BPIFA1: variants seen among roughly 807,000 people sequenced by gnomAD.
BPIFA1 encodes the protein BPI fold containing family A member 1, also known as BPI fold-containing family A member 1.
In BPIFA1, 24 loss-of-function variants were observed where a neutral mutation model predicts 25.1. The ratio of observed to expected loss-of-function variants is 0.96; its 90% CI spans 0.69 to 1.35. The LOEUF (loss-of-function observed/expected upper bound fraction) is 1.35. Among genes scored for constraint, BPIFA1 ranks in the 40% most tolerant of loss-of-function variants. The pLI, the probability that BPIFA1 is intolerant of heterozygous loss-of-function variation, is 0.00. For missense variants in BPIFA1, 344 were observed against 303.7 expected (o/e 1.13, Z -0.99); for synonymous variants, 139 against 131.8 (o/e 1.05, Z -0.37).
intron 7 of BPIFA1, 57 bp from the exon 8 acceptor site, chr20:33,242,430 C>T (rs1979025248): frequency 1.3e-6 from 2 of 1,595,564 alleles, no homozygotes; most frequent in Admixed American, 1.7e-5. Context: ...ATATGGACTC[C>T]TTCACGTTGA....
At chr20:33,237,930 G>T in intron 2 of BPIFA1, 59 bp downstream of exon 2, 1 of 1,483,954 alleles carries the variant, frequency 6.7e-7, no homozygotes, top group Non-Finnish European at 9.1e-7. Context: ...GTGTGTGTGT[G>T]TGTGTGTGTG....
chr20:33,238,892 T>C (rs971183166), intron 3 of BPIFA1, among the ~76,000 whole-genome samples: 1 of 152,114 alleles, frequency 6.6e-6, no homozygotes, highest in Non-Finnish European at 1.5e-5. Context: ...AGGGTCTCAC[T>C]CCCTGACTTG....
intron 7 of BPIFA1, 114 bp downstream of exon 7, chr20:33,242,233 C>A: frequency 3.5e-6 from 4 of 1,141,836 alleles, no homozygotes; most frequent in South Asian, 1.3e-5. Flanking sequence ...TCAACTCTCT[C>A]TATTTTGGGC....
chr20:33,240,363 C>T lies in BPIFA1; in HGVS notation c.559C>T (p.Leu187=). The change falls in exon 5 of 9, where the codon CTG becomes TTG. Residue 187 remains leucine (L), a synonymous_variant. Coordinates refer to ENST00000354297, the MANE Select transcript of BPIFA1 (RefSeq NM_130852.3). ...LGDCTHSPGS[L]QISLLDGLGP... is the part of the protein sequence containing the mutation. ...TGACTGCACCCATTCCCCTGGAAGC[C>T]TGCAAATTTCTCTGCTTGATGGGTG... 6.2e-7 allele frequency: 1 copy of T among 1,614,116 alleles called. No homozygotes were observed. Among genetic ancestry groups the T allele is most frequent in the South Asian group, 1.1e-5 (1 of 91,072 alleles).
rs745964213 is a variant in BPIFA1 at position 33,237,753 on chromosome 20, AG to A, written c.43del (p.Ala15ProfsTer20). ...GGLIVFYGLL[A>X]QTMAQFGGLP... Reference sequence around the variant, plus strand: ...GCCTCATTGTCTTCTACGGGCTGTTAGCCCAGACCATGGCCCAGTTTGGAGG... The same window carrying A: ...GCCTCATTGTCTTCTACGGGCTGTTACCCAGACCATGGCCCAGTTTGGAGG... On this transcript the variant is annotated frameshift_variant, in exon 2 of 9. Coordinates refer to ENST00000354297, the MANE Select transcript of BPIFA1 (RefSeq NM_130852.3). LOFTEE classifies it high-confidence loss of function. 6.5e-7 allele frequency: 1 copy of A among 1,548,306 alleles called. No homozygotes were observed. The highest frequency in any genetic ancestry group is 8.7e-7 in the Non-Finnish European group (1 of 1,148,448).
rs1237162948 is a variant in BPIFA1 at position 33,241,368 on chromosome 20, T to C, written c.582-17T>C. On this transcript the variant is annotated splice_polypyrimidine_tract_variant and intron_variant, in intron 5 of 8. Coordinates refer to ENST00000354297, the MANE Select transcript of BPIFA1 (RefSeq NM_130852.3). ...CATCTCCAGGTCCCTGCATCACCCA[T>C]GACTTTTCTCTTTCAGACTTGGCCC... 1.2e-6 allele frequency: 2 copies of C among 1,604,322 alleles called. No individual in the cohort carries two copies. Among genetic ancestry groups the C allele is most frequent in the East Asian group, 2.2e-5 (1 of 44,826 alleles).
chr20:33,240,207 T>C (rs1408809349), intron 4 of BPIFA1, 26 bp from the exon 5 acceptor site: 1 of 1,610,810 alleles, frequency 6.2e-7, no homozygotes, highest in Non-Finnish European at 8.5e-7. Flanking sequence ...TGGAGCTAGA[T>C]ACCAGTGGGG....
intron 5 of BPIFA1, among the ~76,000 whole-genome samples, chr20:33,240,977 C>T (rs1978950123): frequency 6.6e-6 from 1 of 152,180 alleles, no homozygotes; most frequent in South Asian, 2.1e-4. Context: ...TTTCAGTTAC[C>T]TGTCACATGG....
At chr20:33,241,564 T>C (rs1978982009) in intron 6 of BPIFA1, 95 bp downstream of exon 6, 2 of 1,015,364 alleles carry the variant, frequency 2.0e-6, no homozygotes, top group African/African-American at 3.2e-5. Flanking sequence ...AGTCCCTCAA[T>C]TTGATAAGTA....
At chr20:33,240,448 T>C (rs6059186) in intron 5 of BPIFA1, 63 bp downstream of exon 5, 411,733 of 1,555,450 alleles carry the variant, frequency 0.26, 63,866 homozygotes, top group African/African-American at 0.64. Context: ...GGATGGATGA[T>C]TGGAAAGCTG....
intron 4 of BPIFA1, among the ~76,000 whole-genome samples, 161 bp from the exon 5 acceptor site, chr20:33,240,072 C>T (rs774412988): frequency 7.2e-5 from 11 of 152,230 alleles, no homozygotes; most frequent in Admixed American, 2.0e-4. Context: ...GGGAAACTCA[C>T]TTGACCTCTT....
chr20:33,240,128 G>A, intron 4 of BPIFA1, 105 bp from the exon 5 acceptor site: 1 of 1,514,214 alleles, frequency 6.6e-7, no homozygotes, highest in Non-Finnish European at 9.0e-7. Flanking sequence ...TACAACTGTG[G>A]GCAAGATGGA....
chr20:33,242,600 G>A, intron 8 of BPIFA1, 39 bp downstream of exon 8: 1 of 1,492,230 alleles, frequency 6.7e-7, no homozygotes, highest in Non-Finnish European at 9.3e-7. Context: ...TTTGGGGGCT[G>A]GCTGTTCTTC....
intron 1 of BPIFA1, among the ~76,000 whole-genome samples, chr20:33,236,369 T>A (rs183377441): frequency 4.6e-5 from 7 of 152,330 alleles, no homozygotes; most frequent in Middle Eastern, 3.4e-3. Context: ...TACATTTTGA[T>A]GCATTTTTTC....
At chr20:33,237,018 A>G (rs996730535) in intron 1 of BPIFA1, among the ~76,000 whole-genome samples, 6 of 152,292 alleles carry the variant, frequency 3.9e-5, no homozygotes, top group Admixed American at 3.9e-4. Flanking sequence ...GGGATGATCT[A>G]AAACAGTTCA....
chr20:33,237,605 C>A, intron 1 of BPIFA1, 92 bp from the exon 2 acceptor site: 4 of 1,134,238 alleles, frequency 3.5e-6, no homozygotes, highest in East Asian at 2.9e-5. Context: ...TTCTGGGGAG[C>A]AAACAACCCC....
chr20:33,242,607 C>G lies in BPIFA1; in HGVS notation c.*34+46C>G. On this transcript the variant is annotated intron_variant, in intron 8 of 8. Coordinates refer to ENST00000354297, the MANE Select transcript of BPIFA1 (RefSeq NM_130852.3). ...CCCAGGGTTTTGGGGGCTGGCTGTT[C>G]TTCTCCTGGTAGAAGGCAGACGGGA... is the stretch of plus-strand genomic sequence containing the variant. 2.1e-6 allele frequency: 3 copies of G among 1,434,576 alleles called. No homozygotes were observed. In the East Asian group the frequency reaches 6.8e-5, roughly 33 times the overall value. 88.9% of individuals were successfully genotyped at this position (1,434,576 alleles called of 1,614,324 possible).
intron 7 of BPIFA1, 78 bp from the exon 8 acceptor site, chr20:33,242,409 C>A (rs983005111): frequency 1.4e-5 from 21 of 1,544,136 alleles, no homozygotes; most frequent in African/African-American, 1.2e-4. Context: ...CCTGGCCCCC[C>A]ACCTTGAGGA....
At position 33,238,300 on chromosome 20, in the gene BPIFA1, G is replaced by A. The variant is rs1024991580; in HGVS notation, c.320+86G>A. On this transcript the variant is annotated intron_variant, in intron 3 of 8. Coordinates refer to ENST00000354297, the MANE Select transcript of BPIFA1 (RefSeq NM_130852.3). Reference sequence around the variant, plus strand: ...AGCCCCAGGCAGTGACCCTGAAGCAGCGACCCTGAAGCAGCGAGGGAGCGG... The same window carrying A: ...AGCCCCAGGCAGTGACCCTGAAGCAACGACCCTGAAGCAGCGAGGGAGCGG... 4.0e-5 allele frequency: 59 copies of A among 1,461,048 alleles called. No individual in the cohort carries two copies. The African/African-American group carries it at 8.4e-4, about 21-fold the overall frequency. 90.5% of individuals were successfully genotyped at this position (1,461,048 alleles called of 1,614,324 possible).
Sources: allele counts gnomAD v4.1 joint callset (sites outside exome capture counted in the v4.1 genomes callset), GRCh38; gene constraint gnomAD v4.1.1; transcripts MANE v1.5; gene names NCBI Gene and HGNC (gene_info 2026-07-23, HGNC 2026-07-21).